Variants in ZBTB20 observed in about 807,000 individuals in gnomAD.
ZBTB20 encodes zinc finger and BTB domain-containing protein 20.
Under a neutral mutation model 56.9 loss-of-function variants are expected in ZBTB20, and 9 were observed. That is an observed-to-expected ratio of 0.16 (90% CI 0.10 to 0.28). The LOEUF (loss-of-function observed/expected upper bound fraction) is 0.28, where lower values mean the gene tolerates loss of function less well. Among genes scored for constraint, ZBTB20 ranks in the 10% least tolerant of loss-of-function variants. The pLI, the probability that ZBTB20 is intolerant of heterozygous loss-of-function variation, is 1.00. For missense variants in ZBTB20, 655 were observed against 1,003.0 expected (o/e 0.65, Z 4.69); for synonymous variants, 417 against 420.7 (o/e 0.99, Z 0.11).
intron 4 of ZBTB20, among the ~76,000 whole-genome samples, chr3:114,803,126 T>C (rs1350648693): frequency 1.3e-5 from 2 of 151,544 alleles, no homozygotes; most frequent in African/African-American, 4.8e-5. Context: ...TCTTATTCCT[T>C]TTTCCTTCTT....
At chr3:114,561,468 G>A (rs2052041603) in intron 6 of ZBTB20, among the ~76,000 whole-genome samples, 1 of 152,100 alleles carries the variant, frequency 6.6e-6, no homozygotes, top group South Asian at 2.1e-4. Context: ...TCCATGGGCT[G>A]CTAATAGATG....
intron 4 of ZBTB20, among the ~76,000 whole-genome samples, chr3:114,808,828 A>G (rs554118776): frequency 2.0e-5 from 3 of 152,098 alleles, no homozygotes; most frequent in African/African-American, 7.2e-5. Context: ...TTTCATTTCC[A>G]CTTAAAGGAT....
intron 6 of ZBTB20, chr3:114,684,465 T>C (rs563314595): frequency 6.6e-6 from 1 of 152,338 alleles, no homozygotes; most frequent in South Asian, 2.1e-4. Flanking sequence ...TGCACCTAAA[T>C]GTATGAAGCT....
intron 6 of ZBTB20, among the ~76,000 whole-genome samples, chr3:114,677,352 A>C (rs773985356): frequency 1.3e-5 from 2 of 152,192 alleles, no homozygotes; most frequent in Non-Finnish European, 2.9e-5. Flanking sequence ...GGTACCTGTT[A>C]GGAACTTAGC....
chr3:114,824,643 T>C (rs2073427918), intron 4 of ZBTB20, among the ~76,000 whole-genome samples: 1 of 151,854 alleles, frequency 6.6e-6, no homozygotes, highest in African/African-American at 2.4e-5. Context: ...AATTTACACC[T>C]TTTTTCCTAA....
At chr3:115,145,600 C>T (rs1218777048) in intron 1 of ZBTB20, among the ~76,000 whole-genome samples, 2 of 152,130 alleles carry the variant, frequency 1.3e-5, no homozygotes, top group African/African-American at 4.8e-5. Flanking sequence ...TCCATCTATT[C>T]CCCCACACCC....
intron 1 of ZBTB20, among the ~76,000 whole-genome samples, chr3:115,138,727 A>G (rs904062883): frequency 5.9e-5 from 9 of 152,152 alleles, no homozygotes; most frequent in Non-Finnish European, 1.5e-5. Context: ...AATTAACTGA[A>G]AAAATGCAGA....
chr3:114,365,952 A>ATATTTTT lies in ZBTB20; in HGVS notation c.200-14075_200-14074insAAAAATA, dbSNP rs2082353567. Among the ~76,000 whole-genome samples, 8 of 152,328 alleles carry ATATTTTT rather than the reference A, an allele frequency of 5.3e-5. No homozygotes were observed. In the South Asian group the frequency reaches 1.7e-3, roughly 32 times the overall value. On this transcript the variant is annotated intron_variant, in intron 10 of 11. Transcript: ENST00000675478. The stretch of plus-strand genomic sequence containing the variant: ...GAAAAAAATAATCGGGTAAAAAATT[A>ATATTTTT]GTACCTATATTTTCACAAATGGGCA...
At chr3:114,448,853 A>G (rs1033869320) in intron 7 of ZBTB20, among the ~76,000 whole-genome samples, 1 of 152,166 alleles carries the variant, frequency 6.6e-6, no homozygotes, top group Non-Finnish European at 1.5e-5. Context: ...TGAATTAACA[A>G]AAGTTTTACA....
chr3:114,514,110 CTTG>C (rs1200509193), intron 6 of ZBTB20, among the ~76,000 whole-genome samples: 1 of 152,030 alleles, frequency 6.6e-6, no homozygotes, highest in African/African-American at 2.4e-5. Context: ...TCCAAACCAG[CTTG>C]TTTTTAGCAT....
chr3:114,390,991 GTT>G (rs11302473), intron 7 of ZBTB20, among the ~76,000 whole-genome samples: 6 of 150,202 alleles, frequency 4.0e-5, no homozygotes, highest in Admixed American at 6.6e-5. Context: ...CAATTCTTCC[GTT>G]TTTTTTTTCT....
chr3:114,533,846 A>G (rs2048144121), intron 6 of ZBTB20, among the ~76,000 whole-genome samples: 1 of 152,234 alleles, frequency 6.6e-6, no homozygotes, highest in Non-Finnish European at 1.5e-5. Flanking sequence ...ACATTCTTAA[A>G]GAAAAGAATT....
chr3:114,949,932 C>T (rs1264003645), intron 3 of ZBTB20, among the ~76,000 whole-genome samples: 1 of 152,018 alleles, frequency 6.6e-6, no homozygotes, highest in African/African-American at 2.4e-5. Flanking sequence ...GGAAAATGGA[C>T]AATACCTTTC....
chr3:115,117,172 T>TCCAACTAACAG, intron 1 of ZBTB20, among the ~76,000 whole-genome samples: 1 of 152,120 alleles, frequency 6.6e-6, no homozygotes, highest in Non-Finnish European at 1.5e-5. Context: ...GGACATAAGG[T>TCCAACTAACAG]ATGGATAATC....
intron 6 of ZBTB20, among the ~76,000 whole-genome samples, chr3:114,545,640 G>A (rs889974425): frequency 6.6e-6 from 1 of 152,156 alleles, no homozygotes; most frequent in Non-Finnish European, 1.5e-5. Context: ...GGGACACCAA[G>A]GACTTCTCAA....
chr3:114,535,741 C>T (rs191774513), intron 6 of ZBTB20, among the ~76,000 whole-genome samples: 4 of 152,218 alleles, frequency 2.6e-5, no homozygotes, highest in Admixed American at 6.5e-5. Flanking sequence ...TGAAAATCCT[C>T]GATAAAATAC....
chr3:114,987,694 G>C (rs2078606842), intron 2 of ZBTB20, among the ~76,000 whole-genome samples: 1 of 152,144 alleles, frequency 6.6e-6, no homozygotes, highest in African/African-American at 2.4e-5. Flanking sequence ...CAGTCAAGCT[G>C]ACAGTCACTT....
chr3:114,698,909 T>TTA (rs1014818614), intron 5 of ZBTB20, among the ~76,000 whole-genome samples: 2 of 152,144 alleles, frequency 1.3e-5, no homozygotes, highest in African/African-American at 4.8e-5. Flanking sequence ...CAGCAAATAT[T>TTA]TATTGAAACT....
intron 1 of ZBTB20, among the ~76,000 whole-genome samples, chr3:115,146,776 T>G (rs922176629): frequency 4.6e-5 from 7 of 152,098 alleles, no homozygotes; most frequent in African/African-American, 1.7e-4. Flanking sequence ...TAGCAGCTCC[T>G]GAGCCCCGGC....
Sources: gnomAD v4.1 joint callset for allele counts (sites outside exome capture counted in the v4.1 genomes callset) on GRCh38, gnomAD v4.1.1 for gene constraint, MANE v1.5 for transcripts, NCBI Gene and HGNC (gene_info 2026-07-23, HGNC 2026-07-21) for gene names.